CADM3: variants seen among roughly 807,000 people sequenced by gnomAD.
CADM3 encodes TSLC1-like 1.
A neutral mutation model predicts 44.9 loss-of-function variants in CADM3; 11 were observed. That is an observed-to-expected ratio of 0.25 (90% CI 0.15 to 0.41). The LOEUF (loss-of-function observed/expected upper bound fraction) is 0.41. Ranked by LOEUF, CADM3 falls within the 10% of genes least tolerant of loss-of-function variation. The pLI, the probability that CADM3 is intolerant of heterozygous loss-of-function variation, is 1.00. For missense variants in CADM3, 426 were observed against 512.0 expected (o/e 0.83, Z 1.62); for synonymous variants, 207 against 205.2 (o/e 1.01, Z -0.08).
intron 1 of CADM3, among the ~76,000 whole-genome samples, chr1:159,185,170 T>A (rs1458235327): frequency 6.6e-6 from 1 of 152,144 alleles, no homozygotes; most frequent in African/African-American, 2.4e-5. Context: ...TAGGGGTCCA[T>A]GAAATAGTCC....
intron 1 of CADM3, among the ~76,000 whole-genome samples, chr1:159,189,467 C>A (rs144647589): frequency 2.8e-4 from 42 of 152,352 alleles, no homozygotes; most frequent in Non-Finnish European, 5.4e-4. Flanking sequence ...TTGTCCTCAT[C>A]TGCGAAGTGG....
intron 1 of CADM3, among the ~76,000 whole-genome samples, chr1:159,176,454 A>T (rs533394876): frequency 6.6e-6 from 1 of 152,296 alleles, no homozygotes; most frequent in South Asian, 2.1e-4. Context: ...GACCCTGGAG[A>T]AGCAAGCCAT....
intron 1 of CADM3, among the ~76,000 whole-genome samples, chr1:159,191,529 T>C (rs1441667745): frequency 1.3e-5 from 2 of 152,226 alleles, no homozygotes; most frequent in Non-Finnish European, 2.9e-5. Context: ...TGTTCTTATA[T>C]GTAGGTGGTG....
rs578171563 is a variant in CADM3, at chr1:159,171,785, C to CGCTCCT, written c.36_41dup (p.Leu13_Leu14dup). Reference sequence around the variant, plus strand: ...AGCGCGATGGGGGCCCCAGCCGCCTCGCTCCTGCTCCTGCTCCTGCTGTTC... The same window carrying CGCTCCT: ...AGCGCGATGGGGGCCCCAGCCGCCTCGCTCCTGCTCCTGCTCCTGCTCCTGCTGTTC... On this transcript the variant is annotated inframe_insertion, in exon 1 of 9. Coordinates refer to ENST00000368125, the MANE Select transcript of CADM3 (RefSeq NM_001127173.3). The CGCTCCT allele has an allele frequency of 5.5e-4, 684 of 1,241,734 alleles. No homozygotes were observed. Among genetic ancestry groups the CGCTCCT allele is most frequent in the Middle Eastern group, 2.4e-3 (10 of 4,100 alleles). 76.9% of individuals were successfully genotyped at this position (1,241,734 alleles called of 1,614,324 possible).
At position 159,194,039 on chromosome 1, in the gene CADM3, A is replaced by T; in HGVS notation, c.690A>T (p.Leu230Phe). The T allele has an allele frequency of 1.2e-6, 2 of 1,612,402 alleles. No individual in the cohort carries two copies. Among genetic ancestry groups the T allele is most frequent in the Non-Finnish European group, 1.7e-6 (2 of 1,178,752 alleles). Residue 230 changes from leucine to phenylalanine, a missense_variant and splice_region_variant, in exon 5 of 9, where the codon TTA becomes TTT. This residue lies in a region of CADM3 where 362 missense variants were observed against 474.6 expected (regional missense o/e 0.76). Coordinates refer to ENST00000368125, the MANE Select transcript of CADM3 (RefSeq NM_001127173.3). ...CCACCTCTCAACGCATTGAAGTTTT[A>T]TGTATGTCATGGGCTTGGGGATGAA... ...DRSTSQRIEV[L>F]YTPTAMIRPD...
intron 1 of CADM3, among the ~76,000 whole-genome samples, chr1:159,179,497 G>T (rs1012933255): frequency 2.6e-5 from 4 of 152,184 alleles, no homozygotes; most frequent in Non-Finnish European, 5.9e-5. Context: ...TGATGTCTCA[G>T]GCACTCATCT....
intron 1 of CADM3, among the ~76,000 whole-genome samples, chr1:159,184,843 G>A (rs761951972): frequency 6.6e-6 from 1 of 152,108 alleles, no homozygotes; most frequent in African/African-American, 2.4e-5. Flanking sequence ...TGAATAACAG[G>A]TGCTTTAAAG....
chr1:159,198,176 A>C (rs947916943), intron 7 of CADM3: 3 of 152,230 alleles, frequency 2.0e-5, no homozygotes. Context: ...TGGTGGTAGA[A>C]GGAGCTACTG....
In CADM3 at chr1:159,179,928, T is replaced by C. The variant is rs75965272; in HGVS notation, c.88+8075T>C. ...ATATTATATGTTTCTTCCCATAACTTCTATCTGCTAATCTCACACAAATAT... is the reference window on the plus strand; with the variant it reads ...ATATTATATGTTTCTTCCCATAACTCCTATCTGCTAATCTCACACAAATAT... On this transcript the variant is annotated intron_variant, in intron 1 of 8. Coordinates refer to ENST00000368125, the MANE Select transcript of CADM3 (RefSeq NM_001127173.3). Among the ~76,000 whole-genome samples, 18 of 152,048 alleles carry C rather than the reference T, an allele frequency of 1.2e-4. No individual in the cohort carries two copies. In the East Asian group the frequency reaches 3.5e-3, roughly 29 times the overall value.
intron 1 of CADM3, 106 bp from the exon 2 acceptor site, chr1:159,191,830 A>T: frequency 7.4e-7 from 1 of 1,358,486 alleles, no homozygotes; most frequent in Non-Finnish European, 1.0e-6. Context: ...GACCTTGTGT[A>T]CACAAGGGCC....
chr1:159,191,808 C>T lies in CADM3; in HGVS notation c.89-128C>T, dbSNP rs181694505. ...CTTTTCCTTCCCCCATGAAACCTTACGGGTACACAGAGACCTTGTGTACAC... is the reference window on the plus strand; with the variant it reads ...CTTTTCCTTCCCCCATGAAACCTTATGGGTACACAGAGACCTTGTGTACAC... On this transcript the variant is annotated intron_variant, in intron 1 of 8. Coordinates refer to ENST00000368125, the MANE Select transcript of CADM3 (RefSeq NM_001127173.3). The T allele has an allele frequency of 3.9e-4, 411 of 1,044,768 alleles. 1 individual carries two copies. Among genetic ancestry groups the T allele is most frequent in the Middle Eastern group, 1.6e-3 (5 of 3,152 alleles). The allele number at this position is 1,044,768 out of a possible 1,614,324, so 64.7% of individuals were successfully genotyped here.
chr1:159,172,478 A>T (rs1648853060), intron 1 of CADM3, among the ~76,000 whole-genome samples: 1 of 152,054 alleles, frequency 6.6e-6, no homozygotes, highest in Admixed American at 6.6e-5. Context: ...GAGCAAAACA[A>T]CAACACAGGG....
chr1:159,176,254 A>G (rs1649011942), intron 1 of CADM3, among the ~76,000 whole-genome samples: 1 of 152,170 alleles, frequency 6.6e-6, no homozygotes. Context: ...AGTTTTGGTA[A>G]TTATATTTTC....
chr1:159,183,157 T>A (rs1054742956), intron 1 of CADM3, among the ~76,000 whole-genome samples: 1 of 152,190 alleles, frequency 6.6e-6, no homozygotes, highest in Admixed American at 6.5e-5. Context: ...ACAGGTTCCT[T>A]CCAAATCTAA....
chr1:159,191,070 G>C (rs1557935322), intron 1 of CADM3, among the ~76,000 whole-genome samples: 1 of 152,200 alleles, frequency 6.6e-6, no homozygotes, highest in African/African-American at 2.4e-5. Flanking sequence ...AGCCTGAGGG[G>C]CTCCCCGGTA....
chr1:159,187,045 G>A (rs1202372662), intron 1 of CADM3, among the ~76,000 whole-genome samples: 4 of 152,200 alleles, frequency 2.6e-5, no homozygotes, highest in African/African-American at 9.7e-5. Flanking sequence ...TGAAATGCAG[G>A]AGGAGGGGAG....
chr1:159,182,724 G>T (rs1402143794), intron 1 of CADM3, among the ~76,000 whole-genome samples: 2 of 152,180 alleles, frequency 1.3e-5, no homozygotes, highest in African/African-American at 4.8e-5. Flanking sequence ...AAGGATCTTA[G>T]AAATAACCAC....
intron 1 of CADM3, among the ~76,000 whole-genome samples, chr1:159,191,445 C>T (rs1439545717): frequency 3.3e-5 from 5 of 152,198 alleles, no homozygotes; most frequent in African/African-American, 1.2e-4. Context: ...AATGAATGTG[C>T]AATCCAAGAG....
chr1:159,183,690 G>A (rs2852716), intron 1 of CADM3, among the ~76,000 whole-genome samples: 88,827 of 151,968 alleles, frequency 0.58, 27,167 homozygotes, highest in African/African-American at 0.76. Flanking sequence ...ATAGTATCTG[G>A]AAAGAAAGAG....
Sources: allele counts gnomAD v4.1 joint callset (sites outside exome capture counted in the v4.1 genomes callset), GRCh38; gene constraint gnomAD v4.1.1; regional missense constraint gnomAD v4.1.1; transcripts MANE v1.5; gene names NCBI Gene and HGNC (gene_info 2026-07-23, HGNC 2026-07-21).